RHOA: variants seen among roughly 807,000 people sequenced by gnomAD.
RHOA encodes the protein transforming protein RhoA.
A neutral mutation model predicts 17.5 loss-of-function variants in RHOA; 3 were observed. The ratio of observed to expected loss-of-function variants is 0.17; its 90% CI spans 0.08 to 0.44. The LOEUF is 0.44. RHOA is among the 20% of genes least tolerant of loss of function. RHOA has a pLI of 0.99. For synonymous variants in RHOA, 98 were observed against 88.4 expected, an observed-to-expected ratio of 1.11 and a Z score of -0.61; for missense variants, 56 against 242.3, an observed-to-expected ratio of 0.23 and a Z score of 5.10.
intron 3 of RHOA, among the ~76,000 whole-genome samples, chr3:49,364,442 GC>G (rs1559495482): frequency 1.3e-5 from 2 of 151,560 alleles, no homozygotes; most frequent in Non-Finnish European, 2.9e-5. Context: ...CCGAGATCGT[GC>G]CATTGCACTC....
At chr3:49,366,872 T>C (rs1007561429) in intron 3 of RHOA, 4 of 152,050 alleles carry the variant, frequency 2.6e-5, no homozygotes, top group Non-Finnish European at 5.9e-5. Flanking sequence ...CAAAGGCTGT[T>C]TGTGGTAATG....
chr3:49,377,478 A>G (rs2048247153), intron 1 of RHOA, among the ~76,000 whole-genome samples: 1 of 151,948 alleles, frequency 6.6e-6, no homozygotes, highest in African/African-American at 2.4e-5. Flanking sequence ...TGCTAATCAC[A>G]GTTACTTGGG....
rs921903763 is a variant in RHOA, at chr3:49,381,943, C to T, written c.-2-6352G>A. Reference sequence around the variant, plus strand: ...ACTCATGCCTGTAATCCCATCTACTCAGGAGGCTGAGGTGGGAAGACAGCT... The same window carrying T: ...ACTCATGCCTGTAATCCCATCTACTTAGGAGGCTGAGGTGGGAAGACAGCT... On this transcript the variant is annotated intron_variant, in intron 1 of 4. Transcript: ENST00000418115. Among the ~76,000 whole-genome samples the T allele has an allele frequency of 2.0e-5, 3 of 151,850 alleles. 1 individual carries two copies. The highest frequency in any genetic ancestry group is 1.3e-4 in the Admixed American group (2 of 15,210).
chr3:49,407,522 C>T (rs2048854740), intron 1 of RHOA, among the ~76,000 whole-genome samples: 1 of 152,204 alleles, frequency 6.6e-6, no homozygotes, highest in Non-Finnish European at 1.5e-5. Context: ...GCATCAGCCA[C>T]TGCTCCCAGC....
At chr3:49,371,680 T>C (rs1307308828) in intron 2 of RHOA, among the ~76,000 whole-genome samples, 3 of 152,224 alleles carry the variant, frequency 2.0e-5, no homozygotes, top group African/African-American at 4.8e-5. Flanking sequence ...GCCTGTAATA[T>C]GCTCTTCAAT....
chr3:49,359,297 G>C lies in RHOA; in HGVS notation c.*912C>G, dbSNP rs974554726. 1.0e-5 allele frequency: 2 copies of C among 192,676 alleles called. No individual in the cohort carries two copies. The highest frequency in any genetic ancestry group is 4.6e-5 in the African/African-American group (2 of 43,014). The allele number at this position is 192,676 out of a possible 1,614,324, so 11.9% of individuals were successfully genotyped here. Reference sequence around the variant, plus strand: ...ACCTGGATACAGTGAGGAGAAAAGAGCACTGTGAATTAGAGCCAGATGCTT... The same window carrying C: ...ACCTGGATACAGTGAGGAGAAAAGACCACTGTGAATTAGAGCCAGATGCTT... On this transcript the variant is annotated 3_prime_UTR_variant, in exon 5 of 5. Coordinates refer to ENST00000418115, the MANE Select transcript of RHOA (RefSeq NM_001664.4).
At chr3:49,405,456 T>G (rs2048817039) in intron 1 of RHOA, among the ~76,000 whole-genome samples, 1 of 151,904 alleles carries the variant, frequency 6.6e-6, no homozygotes, top group Non-Finnish European at 1.5e-5. Flanking sequence ...TAAAATAAGT[T>G]AGTTGAAGGG....
intron 1 of RHOA, among the ~76,000 whole-genome samples, chr3:49,388,595 C>T (rs193222153): frequency 3.3e-5 from 5 of 152,232 alleles, no homozygotes; most frequent in East Asian, 1.9e-4. Context: ...AGCAACTCTC[C>T]GCATTTCACA....
At chr3:49,408,123 C>A (rs987045201) in intron 1 of RHOA, among the ~76,000 whole-genome samples, 1 of 151,212 alleles carries the variant, frequency 6.6e-6, no homozygotes, top group African/African-American at 2.4e-5. Context: ...GGCGCTACTG[C>A]ACTCTGGCCC....
intron 3 of RHOA, among the ~76,000 whole-genome samples, chr3:49,367,577 A>G (rs1479962078): frequency 6.6e-6 from 1 of 151,894 alleles, no homozygotes; most frequent in Admixed American, 6.6e-5. Flanking sequence ...TCTGCAGTAC[A>G]GTGGCATGAT....
chr3:49,360,033 C>A lies in RHOA; in HGVS notation c.*176G>T. 1.5e-6 allele frequency: 1 copy of A among 686,536 alleles called. No homozygotes were observed. The highest frequency in any genetic ancestry group is 2.3e-6 in the Non-Finnish European group (1 of 437,206). 42.5% of individuals were successfully genotyped at this position (686,536 alleles called of 1,614,324 possible). A position where few individuals can be genotyped will look rare whatever the true frequency, so the allele number is the denominator to read the frequency against. On this transcript the variant is annotated 3_prime_UTR_variant, in exon 5 of 5. Transcript: ENST00000418115. Reference sequence around the variant, plus strand: ...GTCAAAAGGACCCTGGTGGGCCAGACGGGTTGGACATCGTTAATAATCATA... The same window carrying A: ...GTCAAAAGGACCCTGGTGGGCCAGAAGGGTTGGACATCGTTAATAATCATA...
intron 3 of RHOA, among the ~76,000 whole-genome samples, chr3:49,365,712 T>C (rs1033564033): frequency 6.0e-5 from 9 of 150,920 alleles, no homozygotes; most frequent in African/African-American, 2.2e-4. Flanking sequence ...TGCCTCAGCC[T>C]CCTGAGTAGC....
intron 2 of RHOA, among the ~76,000 whole-genome samples, chr3:49,370,263 AC>A (rs1456447220): frequency 1.3e-5 from 2 of 152,188 alleles, no homozygotes; most frequent in Admixed American, 6.6e-5. Flanking sequence ...AAACAAAAAA[AC>A]AAAACAGATA....
chr3:49,382,574 T>G (rs1333900165), intron 1 of RHOA, among the ~76,000 whole-genome samples: 2 of 152,088 alleles, frequency 1.3e-5, no homozygotes, highest in African/African-American at 2.4e-5. Context: ...AGGCAGAGGT[T>G]GCAGTGAGCT....
At chr3:49,380,810 C>CA (rs1184574400) in intron 1 of RHOA, among the ~76,000 whole-genome samples, 2 of 151,132 alleles carry the variant, frequency 1.3e-5, no homozygotes, top group Non-Finnish European at 2.9e-5. Context: ...GAAGAAAACT[C>CA]AGAGGGCAAA....
At chr3:49,375,375 T>C (rs2107848738) in intron 2 of RHOA, 59 bp downstream of exon 2, 4 of 1,517,330 alleles carry the variant, frequency 2.6e-6, no homozygotes, top group Non-Finnish European at 3.6e-6. Context: ...ATTCTCTACA[T>C]GCTCCATAAA....
At chr3:49,402,521 T>G (rs1294292329) in intron 1 of RHOA, among the ~76,000 whole-genome samples, 1 of 151,132 alleles carries the variant, frequency 6.6e-6, no homozygotes, top group Non-Finnish European at 1.5e-5. Context: ...AAAAATTAAA[T>G]TAATTAACTA....
In RHOA at chr3:49,382,297, T is replaced by C. The variant is rs544141911; in HGVS notation, c.-2-6706A>G. Among the ~76,000 whole-genome samples the C allele has an allele frequency of 4.6e-5, 7 of 151,124 alleles. No homozygotes were observed. In the East Asian group the frequency reaches 1.2e-3, roughly 25 times the overall value. On this transcript the variant is annotated intron_variant, in intron 1 of 4. Coordinates refer to ENST00000418115, the MANE Select transcript of RHOA (RefSeq NM_001664.4). ...TCGTGCCACTGCACTCCAGCCTGGG[T>C]GACAGAGAGAGACTCCGTCTCAAAA...
At chr3:49,379,199 C>T (rs986759826) in intron 1 of RHOA, among the ~76,000 whole-genome samples, 9 of 151,844 alleles carry the variant, frequency 5.9e-5, no homozygotes, top group African/African-American at 1.2e-4. Flanking sequence ...TATTATTCAG[C>T]GATAAAGGAT....
Sources: gnomAD v4.1 joint callset for allele counts (sites outside exome capture counted in the v4.1 genomes callset) on GRCh38, gnomAD v4.1.1 for gene constraint, MANE v1.5 for transcripts, NCBI Gene and HGNC (gene_info 2026-07-23, HGNC 2026-07-21) for gene names.